The following CRTAC1 variants were observed in gnomAD, a reference collection of about 807,000 sequenced individuals.
CRTAC1 encodes the protein acidic secreted protein in cartilage.
In CRTAC1, 37 loss-of-function variants were observed where a neutral mutation model predicts 67.8. That is an observed-to-expected ratio of 0.55 (90% confidence interval 0.42 to 0.72). CRTAC1 has a LOEUF of 0.72. Among genes scored for constraint, CRTAC1 ranks in the 30% least tolerant of loss-of-function variants. CRTAC1 has a pLI of 0.00. For synonymous variants in CRTAC1, 348 were observed against 371.0 expected, an observed-to-expected ratio of 0.94 and a Z score of 0.71; for missense variants, 780 against 931.6, an observed-to-expected ratio of 0.84 and a Z score of 2.12.
chr10:97,982,873 T>C (rs1278540651), intron 2 of CRTAC1, among the ~76,000 whole-genome samples: 1 of 152,182 alleles, frequency 6.6e-6, no homozygotes, highest in African/African-American at 2.4e-5. Context: ...TATGGAAAGA[T>C]TTTCAAAAAC....
At chr10:97,879,516 T>C in intron 14 of CRTAC1, 3 of 754,458 alleles carry the variant, frequency 4.0e-6, no homozygotes, top group Non-Finnish European at 6.1e-6. Flanking sequence ...GTTGTGTCAG[T>C]ATCGCCCAAC....
At chr10:97,951,878 T>C (rs1324803365) in intron 2 of CRTAC1, among the ~76,000 whole-genome samples, 3 of 152,102 alleles carry the variant, frequency 2.0e-5, no homozygotes, top group Non-Finnish European at 4.4e-5. Context: ...GGGGAGCACA[T>C]CAAAAAGTGT....
intron 8 of CRTAC1, among the ~76,000 whole-genome samples, chr10:97,898,463 T>C (rs947634258): frequency 2.6e-5 from 4 of 151,792 alleles, no homozygotes; most frequent in Admixed American, 2.0e-4. Context: ...CTAGAGGGAG[T>C]GGGCAGCCTG....
chr10:97,964,100 TCAGA>T (rs1187632964), intron 2 of CRTAC1, among the ~76,000 whole-genome samples: 11 of 152,170 alleles, frequency 7.2e-5, no homozygotes, highest in Non-Finnish European at 1.3e-4. Flanking sequence ...TACCTGGAGA[TCAGA>T]CAACCACCTG....
At chr10:97,886,399 G>A (rs1343138854) in intron 11 of CRTAC1, among the ~76,000 whole-genome samples, 1 of 152,218 alleles carries the variant, frequency 6.6e-6, no homozygotes, top group Admixed American at 6.5e-5. Flanking sequence ...GGGCACAGCA[G>A]GCAGCAGCAA....
In CRTAC1 at chr10:97,966,102, A is replaced by T. The variant is rs531597044; in HGVS notation, c.225-29736T>A. Reference sequence around the variant, plus strand: ...AAGCTGATTTTCTTTCTTTTTTGAGACAGTCTCACTCCATCACCCAGGCTT... The same window carrying T: ...AAGCTGATTTTCTTTCTTTTTTGAGTCAGTCTCACTCCATCACCCAGGCTT... On this transcript the variant is annotated intron_variant, in intron 2 of 14. Transcript: ENST00000370597. 3.9e-5 allele frequency among the ~76,000 whole-genome samples: 6 copies of T among 152,108 alleles called. No individual in the cohort carries two copies. The East Asian group carries it at 1.2e-3, about 29-fold the overall frequency.
At chr10:97,869,599 A>C (rs2050068883) in intron 14 of CRTAC1, 1 of 152,330 alleles carries the variant, frequency 6.6e-6, no homozygotes, top group Non-Finnish European at 1.5e-5. Context: ...GTGTGAAACC[A>C]CAGGGTTTAC....
intron 2 of CRTAC1, among the ~76,000 whole-genome samples, chr10:97,937,534 G>T (rs894680684): frequency 2.0e-5 from 3 of 152,150 alleles, no homozygotes; most frequent in African/African-American, 7.2e-5. Context: ...TGTCTGTTTT[G>T]TTCCCCAGTG....
At chr10:98,024,057 A>T (rs1843174614) in intron 1 of CRTAC1, among the ~76,000 whole-genome samples, 1 of 152,218 alleles carries the variant, frequency 6.6e-6, no homozygotes, top group Non-Finnish European at 1.5e-5. Flanking sequence ...ACAGGTCTAC[A>T]TCAATAGAGG....
chr10:98,003,542 T>C (rs987226550), intron 2 of CRTAC1, among the ~76,000 whole-genome samples: 2 of 152,244 alleles, frequency 1.3e-5, no homozygotes, highest in African/African-American at 4.8e-5. Flanking sequence ...ACAGAATCAC[T>C]CTGACTTCTC....
intron 1 of CRTAC1, among the ~76,000 whole-genome samples, chr10:98,012,143 C>A (rs1427011762): frequency 1.3e-5 from 2 of 152,148 alleles, no homozygotes; most frequent in Non-Finnish European, 2.9e-5. Flanking sequence ...GAAATTAAAC[C>A]ATTGCGTGCG....
intron 3 of CRTAC1, among the ~76,000 whole-genome samples, chr10:97,933,190 G>A (rs909175126): frequency 2.0e-5 from 3 of 152,234 alleles, no homozygotes; most frequent in African/African-American, 7.2e-5. Context: ...TCCACACCCC[G>A]CCCACTGTCG....
At chr10:98,010,867 A>G (rs772380572) in intron 2 of CRTAC1, among the ~76,000 whole-genome samples, 1 of 152,210 alleles carries the variant, frequency 6.6e-6, no homozygotes, top group Non-Finnish European at 1.5e-5. Context: ...AAAGCAGAGC[A>G]TTCCAGTTTT....
In CRTAC1 at chr10:97,908,157, A is replaced by T. The variant is rs750490463; in HGVS notation, c.716-10T>A. The T allele has an allele frequency of 1.2e-6, 2 of 1,613,736 alleles. No individual in the cohort carries two copies. The highest frequency in any genetic ancestry group is 1.1e-5 in the South Asian group (1 of 91,054). On this transcript the variant is annotated splice_polypyrimidine_tract_variant and intron_variant, in intron 5 of 14. Coordinates refer to ENST00000370597, the MANE Select transcript of CRTAC1 (RefSeq NM_018058.7). Reference sequence around the variant, plus strand: ...CTGACGCCTCGGCCCCCTAGAAAAGACATCGACCCACAGTGAGTGGCAGAA... The same window carrying T: ...CTGACGCCTCGGCCCCCTAGAAAAGTCATCGACCCACAGTGAGTGGCAGAA...
At chr10:98,004,944 A>G (rs1041576615) in intron 2 of CRTAC1, among the ~76,000 whole-genome samples, 3 of 150,716 alleles carry the variant, frequency 2.0e-5, no homozygotes, top group Non-Finnish European at 4.4e-5. Flanking sequence ...GCAAACCGGA[A>G]ACAGTTGTTA....
intron 2 of CRTAC1, among the ~76,000 whole-genome samples, chr10:97,940,569 G>A (rs749003539): frequency 6.6e-6 from 1 of 152,250 alleles, no homozygotes; most frequent in Non-Finnish European, 1.5e-5. Context: ...ACCAACCCGT[G>A]CTGTGAGAGC....
intron 2 of CRTAC1, among the ~76,000 whole-genome samples, chr10:97,949,094 T>A (rs551286894): frequency 7.2e-5 from 11 of 152,282 alleles, no homozygotes; most frequent in African/African-American, 2.6e-4. Flanking sequence ...AAGCTAGGGT[T>A]AGGTTCACAG....
chr10:97,870,670 C>A (rs1364996987), intron 14 of CRTAC1: 3 of 152,148 alleles, frequency 2.0e-5, no homozygotes, highest in African/African-American at 7.2e-5. Flanking sequence ...TTGAAATTAA[C>A]GTTTTGTTAA....
At chr10:97,993,177 GA>G (rs1185189519) in intron 2 of CRTAC1, among the ~76,000 whole-genome samples, 1 of 152,110 alleles carries the variant, frequency 6.6e-6, no homozygotes, top group Admixed American at 6.5e-5. Context: ...GAGGCTCAAT[GA>G]TACTGTCAGT....
Sources: gnomAD v4.1 joint callset for allele counts (sites outside exome capture counted in the v4.1 genomes callset) on GRCh38, gnomAD v4.1.1 for gene constraint, MANE v1.5 for transcripts, NCBI Gene and HGNC (gene_info 2026-07-23, HGNC 2026-07-21) for gene names.